Variants in ZNRF2 observed in about 807,000 individuals in gnomAD.
ZNRF2 encodes zinc and ring finger 2, also known as E3 ubiquitin-protein ligase ZNRF2.
Under a neutral mutation model 20.4 loss-of-function variants are expected in ZNRF2, and 16 were observed. The ratio of observed to expected loss-of-function variants is 0.79; its 90% CI spans 0.53 to 1.19. The LOEUF (loss-of-function observed/expected upper bound fraction) is 1.19. ZNRF2 is among the 50% of genes most tolerant of loss of function. The pLI, the probability that ZNRF2 is intolerant of heterozygous loss-of-function variation, is 0.00. For missense variants in ZNRF2, 363 were observed against 332.4 expected (o/e 1.09, Z -0.72); for synonymous variants, 178 against 144.9 (o/e 1.23, Z -1.64).
At chr7:30,292,100 A>G (rs1583563979) in intron 1 of ZNRF2, among the ~76,000 whole-genome samples, 1 of 152,336 alleles carries the variant, frequency 6.6e-6, no homozygotes, top group Admixed American at 6.5e-5. Context: ...AATTTGGAAC[A>G]TTCATTTTTA....
At chr7:30,318,889 A>G (rs1300728176) in intron 1 of ZNRF2, among the ~76,000 whole-genome samples, 2 of 152,196 alleles carry the variant, frequency 1.3e-5, no homozygotes, top group African/African-American at 4.8e-5. Context: ...AGGCGGACGG[A>G]TCACCTGAGG....
intron 2 of ZNRF2, among the ~76,000 whole-genome samples, chr7:30,346,645 A>T (rs1183493828): frequency 6.6e-6 from 1 of 151,284 alleles, no homozygotes; most frequent in Non-Finnish European, 1.5e-5. Context: ...TTTTCACCGT[A>T]CTCCCATCTC....
intron 1 of ZNRF2, among the ~76,000 whole-genome samples, chr7:30,315,730 G>GGA (rs971997324): frequency 9.6e-6 from 1 of 103,760 alleles, no homozygotes; most frequent in Non-Finnish European, 2.0e-5. Context: ...GGTGGGGCGG[G>GGA]GGGGGGGGGG....
intron 1 of ZNRF2, among the ~76,000 whole-genome samples, chr7:30,302,751 C>T (rs1433247190): frequency 1.3e-5 from 2 of 152,160 alleles, no homozygotes; most frequent in African/African-American, 4.8e-5. Flanking sequence ...ATCACTGCTA[C>T]TCTTTAATTG....
At chr7:30,337,950 GATACATAT>G (rs1427807073) in intron 2 of ZNRF2, among the ~76,000 whole-genome samples, 2 of 152,100 alleles carry the variant, frequency 1.3e-5, no homozygotes, top group Non-Finnish European at 2.9e-5. Context: ...TATATGCAAA[GATACATAT>G]ATTCTTCCCA....
At chr7:30,293,455 G>T (rs2128055563) in intron 1 of ZNRF2, among the ~76,000 whole-genome samples, 1 of 152,190 alleles carries the variant, frequency 6.6e-6, no homozygotes, top group South Asian at 2.1e-4. Flanking sequence ...TGCCATGTTG[G>T]CCAGGCTAGT....
chr7:30,337,426 C>A (rs1207040204), intron 2 of ZNRF2, among the ~76,000 whole-genome samples: 1 of 152,074 alleles, frequency 6.6e-6, no homozygotes, highest in African/African-American at 2.4e-5. Flanking sequence ...TAGCAATAGC[C>A]AGAATATTAG....
At chr7:30,316,288 C>CAAAAAAAAAAAA (rs60218988) in intron 1 of ZNRF2, among the ~76,000 whole-genome samples, 14 of 27,508 alleles carry the variant, frequency 5.1e-4, no homozygotes, top group Non-Finnish European at 5.5e-4. Context: ...AACTCCATCT[C>CAAAAAAAAAAAA]AAAAAAAAAA....
intron 3 of ZNRF2, among the ~76,000 whole-genome samples, chr7:30,356,284 TA>T (rs71557457): frequency 0.32 from 46,197 of 146,398 alleles, 7,321 homozygotes; most frequent in Middle Eastern, 0.39. Flanking sequence ...AATTTGGGGT[TA>T]AAAAAAAAAA....
chr7:30,323,126 T>C (rs1226571233), intron 1 of ZNRF2, among the ~76,000 whole-genome samples: 1 of 152,222 alleles, frequency 6.6e-6, no homozygotes, highest in East Asian at 1.9e-4. Context: ...TCAGGAGTCT[T>C]AGATTCTAGA....
chr7:30,288,808 G>A (rs1798843846), intron 1 of ZNRF2: 1 of 152,110 alleles, frequency 6.6e-6, no homozygotes, highest in Non-Finnish European at 1.5e-5. Context: ...TGCTAGTGTC[G>A]TCCATCACCT....
chr7:30,292,764 A>T (rs1328441130), intron 1 of ZNRF2, among the ~76,000 whole-genome samples: 1 of 152,140 alleles, frequency 6.6e-6, no homozygotes, highest in African/African-American at 2.4e-5. Context: ...AGTGTACCTG[A>T]TATGTAGGTT....
At chr7:30,316,320 A>AAAAAAAT (rs1799375986) in intron 1 of ZNRF2, among the ~76,000 whole-genome samples, 1 of 136,648 alleles carries the variant, frequency 7.3e-6, no homozygotes. Context: ...AAAAAAAAAA[A>AAAAAAAT]GAATTGTCAT....
At position 30,284,755 on chromosome 7, in the gene ZNRF2, G is replaced by T. The variant is rs890675432; in HGVS notation, c.-603G>T. Reference sequence around the variant, plus strand: ...TCGCAGGGGGAGCGAGGCGACGGTTGCCGGGAAGCGCGCGCCACCTCTCCC... The same window carrying T: ...TCGCAGGGGGAGCGAGGCGACGGTTTCCGGGAAGCGCGCGCCACCTCTCCC... On this transcript the variant is annotated 5_prime_UTR_variant, in exon 1 of 5. Transcript: ENST00000323037. 3.4e-5 allele frequency: 6 copies of T among 178,246 alleles called. No homozygotes were observed. Among genetic ancestry groups the T allele is most frequent in the Admixed American group, 6.5e-5 (1 of 15,366 alleles). The allele number at this position is 178,246 out of a possible 1,614,324, so 11.0% of individuals were successfully genotyped here.
chr7:30,332,601 A>G (rs1279945261), intron 2 of ZNRF2, among the ~76,000 whole-genome samples: 4 of 152,136 alleles, frequency 2.6e-5, no homozygotes, highest in African/African-American at 9.7e-5. Context: ...TTTAGCTCAC[A>G]TTTATAAGTG....
chr7:30,365,028 G>A (rs1800187483), intron 4 of ZNRF2, among the ~76,000 whole-genome samples: 1 of 151,932 alleles, frequency 6.6e-6, no homozygotes, highest in South Asian at 2.1e-4. Context: ...TGTGGTCAGA[G>A]CCCTCATCAC....
intron 1 of ZNRF2, among the ~76,000 whole-genome samples, chr7:30,303,731 T>G (rs1163132568): frequency 6.6e-6 from 1 of 152,190 alleles, no homozygotes; most frequent in Non-Finnish European, 1.5e-5. Flanking sequence ...ACCAGCAGCA[T>G]CAGCATCTCC....
intron 2 of ZNRF2, among the ~76,000 whole-genome samples, chr7:30,355,343 C>T (rs2127956276): frequency 6.6e-6 from 1 of 151,910 alleles, no homozygotes; most frequent in African/African-American, 2.4e-5. Flanking sequence ...ATTTTCATGT[C>T]TTTTTAGCCA....
At chr7:30,355,627 T>C in intron 2 of ZNRF2, 101 bp from the exon 3 acceptor site, 1 of 846,948 alleles carries the variant, frequency 1.2e-6, no homozygotes, top group Non-Finnish European at 1.9e-6. Context: ...ATATGCCAAG[T>C]AAGGTGGAAT....
Sources: gnomAD v4.1 joint callset for allele counts (sites outside exome capture counted in the v4.1 genomes callset) on GRCh38, gnomAD v4.1.1 for gene constraint, MANE v1.5 for transcripts, NCBI Gene and HGNC (gene_info 2026-07-23, HGNC 2026-07-21) for gene names.